Variants in SYT2 observed in about 807,000 individuals in gnomAD.
The protein encoded by SYT2 is synaptotagmin-2.
SYT2 carries 15 observed loss-of-function variants against 39.9 expected under a neutral mutation model. The ratio of observed to expected loss-of-function variants is 0.38; its 90% CI spans 0.25 to 0.58. SYT2 has a LOEUF of 0.58. SYT2 is among the 20% of genes least tolerant of loss of function. The pLI is 0.70. For missense variants in SYT2, 389 were observed against 530.3 expected (o/e 0.73, Z 2.62); for synonymous variants, 181 against 204.5 (o/e 0.89, Z 0.98).
rs570969969 is a variant in SYT2, at chr1:202,601,047, C to A, written c.802-573G>T. Among the ~76,000 whole-genome samples the A allele has an allele frequency of 6.6e-6, 1 of 152,142 alleles. No homozygotes were observed. The highest frequency in any genetic ancestry group is 2.4e-5 in the African/African-American group (1 of 41,418). ...TATCACTGCAACTCTTTGATGTAAA[C>A]AAGACAAGAATTCTTTGTAACCAAT... On this transcript the variant is annotated intron_variant, in intron 6 of 8. Transcript: ENST00000367268. This position sits in a 1 kb window ranked among gnomAD's most constrained non-coding sequence, Gnocchi z 4.0.
intron 1 of SYT2, among the ~76,000 whole-genome samples, chr1:202,658,398 T>C (rs943726953): frequency 5.3e-5 from 8 of 152,062 alleles, no homozygotes; most frequent in African/African-American, 1.9e-4. Context: ...AGCCACCGTG[T>C]CCCCTCCCTG....
At chr1:202,619,100 C>T (rs963346085) in intron 1 of SYT2, among the ~76,000 whole-genome samples, 67 of 152,320 alleles carry the variant, frequency 4.4e-4, no homozygotes, top group Admixed American at 8.5e-4. Context: ...CTCTAGGAGG[C>T]AGGGCTCCTA....
chr1:202,644,473 C>A (rs1403144557), intron 1 of SYT2, among the ~76,000 whole-genome samples: 1 of 152,146 alleles, frequency 6.6e-6, no homozygotes, highest in Non-Finnish European at 1.5e-5. Flanking sequence ...CAACCTCACC[C>A]GATAAGACCT....
intron 1 of SYT2, among the ~76,000 whole-genome samples, chr1:202,608,322 C>G (rs971213462): frequency 6.7e-6 from 1 of 150,314 alleles, no homozygotes; most frequent in East Asian, 1.9e-4. Context: ...ACTCTGTCAC[C>G]CAGCTGGAGT....
At position 202,602,369 on chromosome 1, in the gene SYT2, C is replaced by G. The variant is rs1690536916; in HGVS notation, c.633+9G>C. ...AGGGAGCTGGAGTCACCCTTCCAGC[C>G]CTCAGCACCTTGAAGGTGAAGGTTT... On this transcript the variant is annotated intron_variant, in intron 5 of 8. Transcript: ENST00000367268. The G allele has an allele frequency of 6.2e-7, 1 of 1,611,918 alleles. No individual in the cohort carries two copies. Among genetic ancestry groups the G allele is most frequent in the Non-Finnish European group, 8.5e-7 (1 of 1,178,702 alleles).
intron 1 of SYT2, 23 bp downstream of exon 1, chr1:202,710,235 C>CA (rs1654362911): frequency 6.6e-6 from 1 of 152,360 alleles, no homozygotes; most frequent in Admixed American, 6.5e-5. Flanking sequence ...TCCGTGCCCC[C>CA]ACCGGCGGGG....
rs1243573266 is a variant in SYT2 at position 202,600,574 on chromosome 1, T to C, written c.802-100A>G. ...CCAAAATTAGCAAGGCAGTGATGTG[T>C]CCCTGCCTCCCTCATCACCAGTCCC... On this transcript the variant is annotated intron_variant, in intron 6 of 8. Coordinates refer to ENST00000367268, the MANE Select transcript of SYT2 (RefSeq NM_177402.5). 5.1e-6 allele frequency: 5 copies of C among 983,240 alleles called. No individual in the cohort carries two copies. In the African/African-American group the frequency reaches 8.0e-5, roughly 16 times the overall value. The allele number at this position is 983,240 out of a possible 1,614,324, so 60.9% of individuals were successfully genotyped here. A position where few individuals can be genotyped will look rare whatever the true frequency, so the allele number is the denominator to read the frequency against.
chr1:202,600,937 C>T (rs1690483242), intron 6 of SYT2, among the ~76,000 whole-genome samples: 1 of 152,168 alleles, frequency 6.6e-6, no homozygotes, highest in East Asian at 1.9e-4. Flanking sequence ...CTTAACAGTC[C>T]CACCCACCAA....
At chr1:202,692,011 C>CCAGT (rs966826989) in intron 1 of SYT2, among the ~76,000 whole-genome samples, 1 of 152,082 alleles carries the variant, frequency 6.6e-6, no homozygotes, top group Non-Finnish European at 1.5e-5. Flanking sequence ...TGGAGAGCTG[C>CCAGT]CAGTCTCTGC....
Position 202,669,406 on chromosome 1 carries a change from C to G in SYT2, c.-18+40852G>C, listed in dbSNP as rs554604309. ...GTGGCTCACACCTGTAATCCCAGCA[C>G]TTTGGGAGGCCGAGGCGGGTGGATC... On this transcript the variant is annotated intron_variant, in intron 1 of 8. Coordinates refer to ENST00000367268, the MANE Select transcript of SYT2 (RefSeq NM_177402.5). Among the ~76,000 whole-genome samples the G allele has an allele frequency of 7.3e-4, 111 of 152,004 alleles. No individual in the cohort carries two copies. The Middle Eastern group carries it at 0.024, about 33-fold the overall frequency.
At chr1:202,693,974 C>G (rs61401483) in intron 1 of SYT2, among the ~76,000 whole-genome samples, 47,134 of 152,058 alleles carry the variant, frequency 0.31, 7,480 homozygotes, top group South Asian at 0.44. Context: ...AGAGCAAGGT[C>G]GGGGGGTGGT....
chr1:202,672,480 T>C lies in SYT2; in HGVS notation c.-18+37778A>G, dbSNP rs1054409467. Among the ~76,000 whole-genome samples, 5 of 152,026 alleles carry C rather than the reference T, an allele frequency of 3.3e-5. No homozygotes were observed. The East Asian group carries it at 7.8e-4, about 24-fold the overall frequency. On this transcript the variant is annotated intron_variant, in intron 1 of 8. Transcript: ENST00000367268. ...CGGAACTGTGAGAAATAAAGGTCTG[T>C]TGTTTAAGACACCCAGTCTATGGCA...
At chr1:202,607,272 G>A (rs1690739936) in intron 1 of SYT2, among the ~76,000 whole-genome samples, 1 of 152,186 alleles carries the variant, frequency 6.6e-6, no homozygotes. Context: ...TGTTGACTGG[G>A]CTCCTCTGAG....
Position 202,601,850 on chromosome 1 carries a change from T to TTCG in SYT2, c.801+37_801+39dup. ...CAAGAGGTGGAAGCCCACCTGTACA[T>TTCG]TCGTCTTTCTGCCCAACCTGGCCTC... On this transcript the variant is annotated intron_variant, in intron 6 of 8. Coordinates refer to ENST00000367268, the MANE Select transcript of SYT2 (RefSeq NM_177402.5). This position sits in a 1 kb window ranked among gnomAD's most constrained non-coding sequence, Gnocchi z 4.0. 1 of 1,597,772 alleles carries TTCG rather than the reference T, an allele frequency of 6.3e-7. No individual in the cohort carries two copies. Among genetic ancestry groups the TTCG allele is most frequent in the Non-Finnish European group, 8.5e-7 (1 of 1,170,862 alleles).
At position 202,643,910 on chromosome 1, in the gene SYT2, C is replaced by CG. The variant is rs537598981; in HGVS notation, c.-17-38122dup. On this transcript the variant is annotated intron_variant, in intron 1 of 8. Transcript: ENST00000367268. The stretch of plus-strand genomic sequence containing the variant: ...GCTCCGAGTTTACAGCCTCTCGGTT[C>CG]GGGGGATTAGCTGGGGGAGGGGACC... Among the ~76,000 whole-genome samples, 317 of 152,134 alleles carry CG rather than the reference C, an allele frequency of 2.1e-3. 1 individual carries two copies. Among genetic ancestry groups the CG allele is most frequent in the African/African-American group, 7.0e-3 (289 of 41,530 alleles).
chr1:202,603,025 G>C lies in SYT2; in HGVS notation c.439C>G (p.Leu147Val). ...PENLGKLQFSLDYDFQANQLT... is the reference protein window; with the variant it reads ...PENLGKLQFSVDYDFQANQLT... ...TGATTAGCCTGAAAATCATAGTCCA[G>C]GGAAAACTGCAGTTTGCCCAGGTTC... The change falls in exon 4 of 9, where the codon CTG becomes GTG. Residue 147 changes from leucine (L) to valine (V), a missense_variant. Physicochemically the swap from Leu to Val is conservative, Grantham distance 32 (BLOSUM62 1). This residue lies in a region of SYT2 where 280 missense variants were observed against 335.6 expected (regional missense o/e 0.83). Coordinates refer to ENST00000367268, the MANE Select transcript of SYT2 (RefSeq NM_177402.5). 2.5e-6 allele frequency: 4 copies of C among 1,613,608 alleles called. No homozygotes were observed. The highest frequency in any genetic ancestry group is 3.4e-6 in the Non-Finnish European group (4 of 1,179,888).
intron 1 of SYT2, among the ~76,000 whole-genome samples, chr1:202,696,815 A>G (rs2149119757): frequency 6.6e-6 from 1 of 152,376 alleles, no homozygotes; most frequent in Admixed American, 6.5e-5. Flanking sequence ...TGGACAAAAA[A>G]AGGCATCTTA....
intron 1 of SYT2, among the ~76,000 whole-genome samples, chr1:202,698,268 A>C (rs1439135079): frequency 6.6e-6 from 1 of 152,202 alleles, no homozygotes; most frequent in Non-Finnish European, 1.5e-5. Context: ...ACAGCAGTAC[A>C]GTCAAGGTTG....
At chr1:202,666,605 A>G (rs1692485738) in intron 1 of SYT2, among the ~76,000 whole-genome samples, 1 of 152,228 alleles carries the variant, frequency 6.6e-6, no homozygotes, top group Admixed American at 6.5e-5. Flanking sequence ...TTATCGGTCT[A>G]TTGAGACTCT....
Sources: allele counts gnomAD v4.1 joint callset (sites outside exome capture counted in the v4.1 genomes callset), GRCh38; gene constraint gnomAD v4.1.1; regional missense constraint gnomAD v4.1.1; non-coding constraint Gnocchi (gnomAD v3.1); transcripts MANE v1.5; gene names NCBI Gene and HGNC (gene_info 2026-07-23, HGNC 2026-07-21).